The following AFG2A variants were observed in gnomAD, a reference collection of about 807,000 sequenced individuals.
The protein encoded by AFG2A is AAA ATPase AFG2A, also known as ATPase family gene 2 protein homolog A.
At chr4:123,168,714 A>C in the AFG2A span, among the ~76,000 whole-genome samples, 1 of 152,196 alleles carries the variant, frequency 6.6e-6, no homozygotes, top group East Asian at 1.9e-4. Flanking sequence ...TTTTGTCTAA[A>C]GTTTGTTAAG....
the AFG2A span, among the ~76,000 whole-genome samples, chr4:123,025,448 T>G: frequency 6.6e-6 from 1 of 152,222 alleles, no homozygotes; most frequent in Admixed American, 6.5e-5. Flanking sequence ...CAAGACTGAT[T>G]ATTGAATCTC....
chr4:123,087,303 C>T, the AFG2A span, among the ~76,000 whole-genome samples: 118,008 of 152,050 alleles, frequency 0.78, 45,948 homozygotes, highest in East Asian at 0.97. Context: ...AATTTTCTCC[C>T]GTTAGGTGGG....
At chr4:122,928,812 T>C in the AFG2A span, among the ~76,000 whole-genome samples, 33 of 152,230 alleles carry the variant, frequency 2.2e-4, no homozygotes, top group Non-Finnish European at 4.4e-4. Flanking sequence ...TAGAAAAAGA[T>C]GTAATATTTA....
the AFG2A span, among the ~76,000 whole-genome samples, chr4:122,960,266 TATA>T: frequency 6.6e-6 from 1 of 152,238 alleles, no homozygotes; most frequent in Non-Finnish European, 1.5e-5. Context: ...CCTCAAAATT[TATA>T]ATGTTTTAAA....
At chr4:122,934,910 A>G in the AFG2A span, among the ~76,000 whole-genome samples, 2 of 152,282 alleles carry the variant, frequency 1.3e-5, no homozygotes, top group South Asian at 2.1e-4. Context: ...GCCATTTGCT[A>G]TGCTTTGGTA....
chr4:123,304,389 G>C, the AFG2A span, among the ~76,000 whole-genome samples: 1 of 152,130 alleles, frequency 6.6e-6, no homozygotes, highest in Non-Finnish European at 1.5e-5. Flanking sequence ...CAAACAGCAG[G>C]ACATCACTCT....
At chr4:123,184,532 CTTTTTTTTTTTTT>C in the AFG2A span, among the ~76,000 whole-genome samples, 1 of 89,280 alleles carries the variant, frequency 1.1e-5, no homozygotes, top group East Asian at 3.4e-4. Flanking sequence ...ATGATCATTT[CTTTTTTTTTTTTT>C]TTTTTTTTTG....
chr4:123,073,630 C>G, the AFG2A span, among the ~76,000 whole-genome samples: 1 of 152,112 alleles, frequency 6.6e-6, no homozygotes, highest in African/African-American at 2.4e-5. Flanking sequence ...CTCATTACTA[C>G]TTCTTCGTCA....
chr4:123,300,836 G>A, the AFG2A span, among the ~76,000 whole-genome samples: 2 of 151,238 alleles, frequency 1.3e-5, 1 homozygote, highest in Admixed American at 1.3e-4. Context: ...CAAGCATTTA[G>A]TTATACTTAG....
At chr4:123,047,872 A>G in the AFG2A span, among the ~76,000 whole-genome samples, 256 of 151,716 alleles carry the variant, frequency 1.7e-3, 5 homozygotes, top group East Asian at 0.041. Context: ...CTATTTTTTT[A>G]AATTATTATT....
chr4:123,183,556 C>G, the AFG2A span, among the ~76,000 whole-genome samples: 1 of 152,160 alleles, frequency 6.6e-6, no homozygotes, highest in Non-Finnish European at 1.5e-5. Context: ...AGTATTCACT[C>G]TGTAGTTTTC....
chr4:123,174,696 G>A, the AFG2A span, among the ~76,000 whole-genome samples: 1 of 151,960 alleles, frequency 6.6e-6, no homozygotes, highest in Admixed American at 6.6e-5. Context: ...TAAAAATAAA[G>A]TTGGGCCCCT....
At chr4:123,025,555 T>A in the AFG2A span, among the ~76,000 whole-genome samples, 1 of 6,640 alleles carries the variant, frequency 1.5e-4, no homozygotes, top group Non-Finnish European at 2.0e-3. Context: ...AACTTGAACT[T>A]TTTTTTTTTA....
the AFG2A span, among the ~76,000 whole-genome samples, chr4:123,253,596 G>A: frequency 6.6e-6 from 1 of 152,120 alleles, no homozygotes; most frequent in Non-Finnish European, 1.5e-5. Flanking sequence ...ATTGCAGTGA[G>A]CCAAGATCAC....
the AFG2A span, among the ~76,000 whole-genome samples, chr4:123,040,242 T>A: frequency 6.6e-6 from 1 of 152,158 alleles, no homozygotes; most frequent in Non-Finnish European, 1.5e-5. Context: ...ATCAATTTTT[T>A]AAATATTTTG....
chr4:123,230,397 C>T, the AFG2A span, among the ~76,000 whole-genome samples: 1 of 151,962 alleles, frequency 6.6e-6, no homozygotes, highest in African/African-American at 2.4e-5. Flanking sequence ...AACAATTCTT[C>T]ATTCAAGTTT....
chr4:122,970,265 C>A, the AFG2A span, among the ~76,000 whole-genome samples: 1 of 151,872 alleles, frequency 6.6e-6, no homozygotes. Flanking sequence ...AAATACTTAC[C>A]ATTGTGTTAT....
chr4:123,297,447 T>C, the AFG2A span, among the ~76,000 whole-genome samples: 123,211 of 152,120 alleles, frequency 0.81, 50,381 homozygotes, highest in Non-Finnish European at 0.86. Context: ...AGAGGCCGGG[T>C]GTGGTGGCTC....
the AFG2A span, among the ~76,000 whole-genome samples, chr4:122,928,770 A>G: frequency 0.012 from 1,895 of 152,198 alleles, 39 homozygotes; most frequent in African/African-American, 0.043. Flanking sequence ...CATATCTTCT[A>G]CCGTCTTCAC....
Sources: gnomAD v4.1 joint callset for allele counts (sites outside exome capture counted in the v4.1 genomes callset) on GRCh38, gnomAD v4.1.1 for gene constraint, MANE v1.5 for transcripts, NCBI Gene and HGNC (gene_info 2026-07-23, HGNC 2026-07-21) for gene names.